Variants in FAM9A observed in about 807,000 individuals in gnomAD.
FAM9A encodes the protein protein FAM9A.
Under a neutral mutation model 25.0 loss-of-function variants are expected in FAM9A, and 49 were observed. That is an observed-to-expected ratio of 1.96 (90% CI 1.56 to 2.48). FAM9A has a LOEUF of 2.48. Ranked by LOEUF, FAM9A falls within the 30% of genes most tolerant of loss-of-function variation. The pLI is 0.00. For missense variants in FAM9A, 266 were observed against 249.3 expected, an observed-to-expected ratio of 1.07 and a Z score of -0.45; for synonymous variants, 80 against 85.1, an observed-to-expected ratio of 0.94 and a Z score of 0.33.
At position 8,793,211 on chromosome X, in the gene FAM9A, T is replaced by C. The variant is rs190287540; in HGVS notation, c.930+447A>G. On this transcript the variant is annotated intron_variant, in intron 8 of 9. Coordinates refer to ENST00000381003, the MANE Select transcript of FAM9A (RefSeq NM_174951.3). ...CCTGCCTTCCACCATAGATGTGTCA[T>C]TGATGTCCTGAAAACTGAAAATAAA... Among the ~76,000 whole-genome samples the C allele has an allele frequency of 5.4e-3, 601 of 112,088 alleles. 7 individuals are homozygous for C. Among genetic ancestry groups the C allele is most frequent in the African/African-American group, 0.019 (573 of 30,876 alleles).
Position 8,795,117 on chromosome X carries a change from CTCTTCT to C in FAM9A, c.786_791del (p.Glu274_Glu275del). On this transcript the variant is annotated inframe_deletion, in exon 7 of 10. Transcript: ENST00000381003. ...CTTCCTCTTCTTCTTCTTCCTCTTC[CTCTTCT>C]TCTGTTTCTTCTCCTTCTCCTCCTC... is the stretch of plus-strand genomic sequence containing the variant. The C allele has an allele frequency of 8.6e-7, 1 of 1,156,468 alleles. No individual in the cohort carries two copies. Among genetic ancestry groups the C allele is most frequent in the Non-Finnish European group, 1.2e-6 (1 of 859,409 alleles).
Position 8,800,089 on chromosome X carries a change from G to C in FAM9A, c.83C>G (p.Thr28Arg). ...EAQVTAAQGA[T>R]KEGSGIASNF... ...TCTCCTTGGGCGTGCACCTTCTTTC[G>C]TGGCCCCCTGGGCGGCCGTAACTTG... Residue 28 changes from threonine (T) to arginine (R), a missense_variant, in exon 2 of 10, where the codon ACG becomes AGG. Transcript: ENST00000381003. 5.8e-6 allele frequency: 7 copies of C among 1,208,210 alleles called. No homozygotes were observed. Among genetic ancestry groups the C allele is most frequent in the Non-Finnish European group, 7.8e-6 (7 of 893,972 alleles).
chrX:8,791,117 C>T lies in FAM9A; in HGVS notation c.*87G>A, dbSNP rs756741638. The T allele has an allele frequency of 5.3e-6, 2 of 374,087 alleles. No individual in the cohort carries two copies. Among genetic ancestry groups the T allele is most frequent in the South Asian group, 1.3e-4 (2 of 15,405 alleles). 30.8% of individuals were successfully genotyped at this position (374,087 alleles called of 1,213,427 possible). A position where few individuals can be genotyped will look rare whatever the true frequency, so the allele number is the denominator to read the frequency against. Reference sequence around the variant, plus strand: ...ATAACATAGGTTCAAGTTCTTTCTTCAGTCATCAGAATAACAGAGGTTGAA... The same window carrying T: ...ATAACATAGGTTCAAGTTCTTTCTTTAGTCATCAGAATAACAGAGGTTGAA... On this transcript the variant is annotated 3_prime_UTR_variant, in exon 10 of 10. Coordinates refer to ENST00000381003, the MANE Select transcript of FAM9A (RefSeq NM_174951.3).
intron 2 of FAM9A, 85 bp from the exon 3 acceptor site, chrX:8,799,179 G>A (rs1933570283): frequency 9.7e-7 from 1 of 1,027,614 alleles, no homozygotes; most frequent in African/African-American, 1.9e-5. Context: ...ATTCAAGAAA[G>A]GGTGGGGCTG....
In FAM9A at chrX:8,799,069, T is replaced by A; in HGVS notation, c.117A>T (p.Pro39=). ...CCACGGGCTCCATGGTTGGCTGTCCTGGGAAGTTAGAGGCGATCCCTGAAC... is the reference window on the plus strand; with the variant it reads ...CCACGGGCTCCATGGTTGGCTGTCCAGGGAAGTTAGAGGCGATCCCTGAAC... ...KEGSGIASNF[P]GQPTMEPVGR... Residue 39 remains proline, a synonymous_variant, in exon 3 of 10, where the codon CCA becomes CCT. Coordinates refer to ENST00000381003, the MANE Select transcript of FAM9A (RefSeq NM_174951.3). The A allele has an allele frequency of 8.3e-7, 1 of 1,211,251 alleles. No individual in the cohort carries two copies. The highest frequency in any genetic ancestry group is 1.1e-6 in the Non-Finnish European group (1 of 894,964).
intron 8 of FAM9A, among the ~76,000 whole-genome samples, chrX:8,792,895 T>C (rs1365534848): frequency 2.7e-5 from 3 of 112,296 alleles, no homozygotes; most frequent in African/African-American, 6.5e-5. Context: ...TTGATGACAA[T>C]TTGCTAATGT....
intron 5 of FAM9A, 149 bp downstream of exon 5, chrX:8,798,001 G>C (rs766658538): frequency 1.2e-5 from 6 of 501,382 alleles, no homozygotes; most frequent in Non-Finnish European, 1.9e-5. Context: ...TTTATTAAAC[G>C]CATTACATTA....
rs138064338 is a variant in FAM9A, at chrX:8,798,983, G to A, written c.203C>T (p.Pro68Leu). The A allele has an allele frequency of 3.2e-5, 39 of 1,211,727 alleles. No homozygotes were observed. The highest frequency in any genetic ancestry group is 1.2e-4 in the African/African-American group (7 of 57,767). The change falls in exon 3 of 10, where the codon CCG becomes CTG. Residue 68 changes from proline (P) to leucine (L), a missense_variant. Coordinates refer to ENST00000381003, the MANE Select transcript of FAM9A (RefSeq NM_174951.3). ...AQLEAQVRAA[P>L]AKKHTGKDPV... The stretch of plus-strand genomic sequence containing the variant: ...GTGTTTACCTGTGTGCTTCTTCGCC[G>A]GGGCGGCCCTAACTTGAGCTTCCAA...
At chrX:8,795,469 A>C (rs1187035530) in intron 6 of FAM9A, 49 bp from the exon 7 acceptor site, 7 of 1,078,702 alleles carry the variant, frequency 6.5e-6, no homozygotes, top group Non-Finnish European at 7.4e-6. Flanking sequence ...AGAGATGAAA[A>C]ATTAATCCTA....
chrX:8,798,583 A>C, intron 3 of FAM9A, 104 bp from the exon 4 acceptor site: 1 of 1,135,752 alleles, frequency 8.8e-7, no homozygotes, highest in East Asian at 3.0e-5. Flanking sequence ...GCTCTCTACC[A>C]ATTAAAGCTT....
intron 8 of FAM9A, among the ~76,000 whole-genome samples, chrX:8,792,938 A>G (rs1933486199): frequency 1.8e-5 from 2 of 112,542 alleles, no homozygotes; most frequent in East Asian, 2.8e-4. Flanking sequence ...ACAATTCACA[A>G]CGTGTTAATA....
At position 8,795,181 on chromosome X, in the gene FAM9A, T is replaced by G. The variant is rs778221562; in HGVS notation, c.728A>C (p.Glu243Ala). ...TTCTTCTCCTTCTTCTCCTCCTCCT[T>G]CTTCTTCTCCTTCTTCTTCCTCCTC... is the stretch of plus-strand genomic sequence containing the variant. The part of the protein sequence containing the change: ...KEEEEEEGEE[E>A]GGGEEGEEGG... The change falls in exon 7 of 10, where the codon GAA becomes GCA. Residue 243 changes from glutamate to alanine, a missense_variant. Transcript: ENST00000381003. 5.7e-6 allele frequency: 6 copies of G among 1,044,897 alleles called. No individual in the cohort carries two copies. Among genetic ancestry groups the G allele is most frequent in the Non-Finnish European group, 7.8e-6 (6 of 769,633 alleles). 86.1% of individuals were successfully genotyped at this position (1,044,897 alleles called of 1,213,427 possible).
rs756086983 is a variant in FAM9A, at chrX:8,793,620, G to C, written c.930+38C>G. ...GACTTTCTTCTGTTATGCACGTGTT[G>C]TATTTTATAATGTATTATGTTACCA... On this transcript the variant is annotated intron_variant, in intron 8 of 9. Coordinates refer to ENST00000381003, the MANE Select transcript of FAM9A (RefSeq NM_174951.3). 5 of 1,069,745 alleles carry C rather than the reference G, an allele frequency of 4.7e-6. No individual in the cohort carries two copies. In the East Asian group the frequency reaches 1.5e-4, roughly 32 times the overall value. 88.2% of individuals were successfully genotyped at this position (1,069,745 alleles called of 1,213,427 possible).
Position 8,793,687 on chromosome X carries a change from T to G in FAM9A, c.901A>C (p.Met301Leu). The G allele has an allele frequency of 8.3e-7, 1 of 1,211,145 alleles. No individual in the cohort carries two copies. Among genetic ancestry groups the G allele is most frequent in the Non-Finnish European group, 1.1e-6 (1 of 894,937 alleles). The change falls in exon 8 of 10, where the codon ATG (methionine) becomes CTG (leucine). Residue 301 changes from methionine to leucine, a missense_variant. Met to Leu is a conservative substitution (Grantham distance 15). Coordinates refer to ENST00000381003, the MANE Select transcript of FAM9A (RefSeq NM_174951.3). ...TGVRSWRLRE[M>L]KPLLEQLLKA... is the part of the protein sequence containing the mutation. ...AGTAATTGCTCAAGTAGCGGCTTCATCTCTCTCAGCCTCCAGCTCCTAACA... is the reference window on the plus strand; with the variant it reads ...AGTAATTGCTCAAGTAGCGGCTTCAGCTCTCTCAGCCTCCAGCTCCTAACA...
At chrX:8,791,658 C>T (rs188438016) in intron 8 of FAM9A, among the ~76,000 whole-genome samples, 2 of 111,504 alleles carry the variant, frequency 1.8e-5, no homozygotes, top group African/African-American at 6.5e-5. Flanking sequence ...CAAGATGGAG[C>T]AAAGACAGAA....
At chrX:8,798,248 T>C in intron 4 of FAM9A, 67 bp from the exon 5 acceptor site, 1 of 1,199,876 alleles carries the variant, frequency 8.3e-7, no homozygotes, top group Admixed American at 2.2e-5. Context: ...GTTGGGAAGA[T>C]ATGTCTTATG....
Position 8,795,237 on chromosome X carries a change from C to T in FAM9A, c.672G>A (p.Glu224=). ...AEVIVVEDEE[E]EEKEEEEEKE... ...TCTCCTCCTCCTCCTCCTTCTCTTC[C>T]TCCTCTTCGTCTTCTACTACTATTA... The change falls in exon 7 of 10, where the codon GAG becomes GAA. Residue 224 remains glutamate (E), a synonymous_variant. Transcript: ENST00000381003. 8.8e-7 allele frequency: 1 copy of T among 1,141,846 alleles called. No individual in the cohort carries two copies. The highest frequency in any genetic ancestry group is 1.2e-6 in the Non-Finnish European group (1 of 849,733). 94.1% of individuals were successfully genotyped at this position (1,141,846 alleles called of 1,213,427 possible).
Position 8,798,145 on chromosome X carries a change from C to T in FAM9A, c.373+5G>A. ...CAAAGACTACGAATAGCTCCTAAAA[C>T]ATACCTGCAATATGTTCTAGCTTCA... On this transcript the variant is annotated splice_donor_5th_base_variant and intron_variant, in intron 5 of 9. Transcript: ENST00000381003. 8.3e-7 allele frequency: 1 copy of T among 1,202,272 alleles called. No homozygotes were observed. Among genetic ancestry groups the T allele is most frequent in the Non-Finnish European group, 1.1e-6 (1 of 890,168 alleles).
rs58250037 is a variant in FAM9A, at chrX:8,798,902, A to G, written c.220+64T>C. The G allele has an allele frequency of 0.017, 20,628 of 1,201,187 alleles. 705 individuals carry two copies. In the African/African-American group the frequency reaches 0.18, roughly 10 times the overall value. ...GGGCTGCCCATGTGCCTCCCGCGCA[A>G]AGAGCAGACAGACCGTCCTCTTGGG... On this transcript the variant is annotated intron_variant, in intron 3 of 9. Transcript: ENST00000381003.
Sources: allele counts gnomAD v4.1 joint callset (sites outside exome capture counted in the v4.1 genomes callset), GRCh38; gene constraint gnomAD v4.1.1; transcripts MANE v1.5; gene names NCBI Gene and HGNC (gene_info 2026-07-23, HGNC 2026-07-21).